The following NKAIN2 variants were observed in gnomAD, a reference collection of about 807,000 sequenced individuals.
The protein encoded by NKAIN2 is sodium/potassium-transporting ATPase subunit beta-1-interacting protein 2.
In NKAIN2, 14 loss-of-function variants were observed where a neutral mutation model predicts 32.6. The observed-to-expected ratio is 0.43, with a 90% CI of 0.28 to 0.67. NKAIN2 has a LOEUF of 0.67. Among genes scored for constraint, NKAIN2 ranks in the 30% least tolerant of loss-of-function variants. The pLI is 0.17. For synonymous variants in NKAIN2, 80 were observed against 87.2 expected, an observed-to-expected ratio of 0.92 and a Z score of 0.46; for missense variants, 198 against 258.3, an observed-to-expected ratio of 0.77 and a Z score of 1.60.
chr6:124,400,207 A>G (rs1438223310), intron 3 of NKAIN2, among the ~76,000 whole-genome samples: 1 of 152,198 alleles, frequency 6.6e-6, no homozygotes, highest in Non-Finnish European at 1.5e-5. Context: ...CCACACCCCA[A>G]GAGAACCTAA....
chr6:124,500,524 C>T (rs1778246266), intron 3 of NKAIN2, among the ~76,000 whole-genome samples: 1 of 151,830 alleles, frequency 6.6e-6, no homozygotes, highest in African/African-American at 2.4e-5. Flanking sequence ...CGCAATTGCT[C>T]ATGGCTGTGG....
intron 3 of NKAIN2, among the ~76,000 whole-genome samples, chr6:124,652,786 G>T (rs1442603338): frequency 6.6e-6 from 1 of 152,120 alleles, no homozygotes; most frequent in Non-Finnish European, 1.5e-5. Context: ...CCACTTGCAT[G>T]ATAATGAAGC....
intron 5 of NKAIN2, among the ~76,000 whole-genome samples, chr6:124,802,084 T>C (rs1780286646): frequency 6.6e-6 from 1 of 152,184 alleles, no homozygotes; most frequent in African/African-American, 2.4e-5. Flanking sequence ...GCTCAGGAGT[T>C]TTGTGATTTT....
intron 4 of NKAIN2, among the ~76,000 whole-genome samples, chr6:124,713,399 C>T (rs2114611937): frequency 6.6e-6 from 1 of 152,132 alleles, no homozygotes; most frequent in East Asian, 1.9e-4. Flanking sequence ...TTAACAGATA[C>T]TGGAAGATAA....
At chr6:124,178,562 G>A (rs959960110) in intron 1 of NKAIN2, among the ~76,000 whole-genome samples, 1 of 152,096 alleles carries the variant, frequency 6.6e-6, no homozygotes, top group African/African-American at 2.4e-5. Flanking sequence ...CTCCCAAAGT[G>A]CTGGGATTAC....
intron 1 of NKAIN2, among the ~76,000 whole-genome samples, chr6:124,153,828 A>G (rs994932763): frequency 6.6e-6 from 1 of 151,460 alleles, no homozygotes; most frequent in African/African-American, 2.4e-5. Flanking sequence ...TTCTTAAATT[A>G]TTGCACTGAT....
rs183474242 is a variant in NKAIN2, at chr6:124,123,613, A to T, written c.55-159392A>T. 1.5e-3 allele frequency among the ~76,000 whole-genome samples: 228 copies of T among 152,230 alleles called. 1 individual carries two copies. The highest frequency in any genetic ancestry group is 5.3e-3 in the African/African-American group (222 of 41,564). ...TGTATCAGTCATCTAGTGATTGATA[A>T]AAAAATGACATGGAACCTACTTTTG... On this transcript the variant is annotated intron_variant, in intron 1 of 6. Transcript: ENST00000368417.
intron 4 of NKAIN2, among the ~76,000 whole-genome samples, chr6:124,673,875 CTTTTA>C (rs937551739): frequency 3.9e-4 from 59 of 151,910 alleles, no homozygotes; most frequent in African/African-American, 1.4e-3. Flanking sequence ...TGTGCAGAAA[CTTTTA>C]TTTTAAAGTC....
At chr6:124,068,390 TTA>T (rs1268919285) in intron 1 of NKAIN2, among the ~76,000 whole-genome samples, 1 of 152,064 alleles carries the variant, frequency 6.6e-6, no homozygotes, top group Non-Finnish European at 1.5e-5. Context: ...CAGCCAATGA[TTA>T]TATGACTTTT....
At chr6:124,280,438 AG>A (rs1489905438) in intron 1 of NKAIN2, among the ~76,000 whole-genome samples, 1 of 152,170 alleles carries the variant, frequency 6.6e-6, no homozygotes, top group Admixed American at 6.6e-5. Context: ...GGCATAGCAA[AG>A]GGGCCATGCA....
intron 1 of NKAIN2, among the ~76,000 whole-genome samples, chr6:124,276,411 G>A (rs558968028): frequency 7.9e-5 from 12 of 151,656 alleles, no homozygotes; most frequent in Non-Finnish European, 1.6e-4. Flanking sequence ...AACTCTTTAA[G>A]TAAAGCTCTG....
intron 1 of NKAIN2, among the ~76,000 whole-genome samples, chr6:124,263,804 T>A (rs531118293): frequency 2.7e-5 from 4 of 148,400 alleles, no homozygotes; most frequent in African/African-American, 1.0e-4. Context: ...AGGTAGTTCT[T>A]TGTTACACTG....
intron 1 of NKAIN2, among the ~76,000 whole-genome samples, chr6:124,269,039 C>T (rs951758937): frequency 2.1e-4 from 32 of 152,194 alleles, no homozygotes; most frequent in Middle Eastern, 3.4e-3. Flanking sequence ...ATAGAAGAAG[C>T]ATGTATAAAA....
intron 3 of NKAIN2, among the ~76,000 whole-genome samples, chr6:124,455,529 A>C (rs565491966): frequency 5.9e-5 from 9 of 152,170 alleles, no homozygotes; most frequent in Admixed American, 2.6e-4. Context: ...CACAAAACAC[A>C]TAAGTGATAA....
chr6:124,189,725 A>T (rs1404799864), intron 1 of NKAIN2, among the ~76,000 whole-genome samples: 1 of 152,174 alleles, frequency 6.6e-6, no homozygotes, highest in Non-Finnish European at 1.5e-5. Context: ...TTGGTACAAA[A>T]ATGTCCTGGG....
intron 4 of NKAIN2, among the ~76,000 whole-genome samples, chr6:124,764,424 G>A (rs1018507584): frequency 7.2e-5 from 11 of 152,062 alleles, no homozygotes; most frequent in African/African-American, 1.2e-4. Flanking sequence ...TTTGATTACT[G>A]TAATTCTGGA....
At chr6:124,816,271 G>T (rs1362028955) in intron 5 of NKAIN2, among the ~76,000 whole-genome samples, 2 of 152,166 alleles carry the variant, frequency 1.3e-5, no homozygotes, top group Non-Finnish European at 1.5e-5. Context: ...GTGATTGCCG[G>T]GGGTTGGGGG....
chr6:124,624,927 A>AT (rs34965945), intron 3 of NKAIN2, among the ~76,000 whole-genome samples: 59,925 of 151,946 alleles, frequency 0.39, 12,020 homozygotes, highest in Middle Eastern at 0.44. Context: ...AAAGTGTCTC[A>AT]TTTTTTCTTG....
intron 3 of NKAIN2, among the ~76,000 whole-genome samples, chr6:124,574,870 C>T (rs566968139): frequency 6.6e-6 from 1 of 152,310 alleles, no homozygotes; most frequent in Admixed American, 6.5e-5. Context: ...CTCTACTCCT[C>T]AACTGTTACC....
Sources: gnomAD v4.1 joint callset for allele counts (sites outside exome capture counted in the v4.1 genomes callset) on GRCh38, gnomAD v4.1.1 for gene constraint, MANE v1.5 for transcripts, NCBI Gene and HGNC (gene_info 2026-07-23, HGNC 2026-07-21) for gene names.